Variants in RANBP2 observed in about 807,000 individuals in gnomAD.
RANBP2 encodes the protein E3 SUMO-protein ligase RanBP2.
A neutral mutation model predicts 303.6 loss-of-function variants in RANBP2; 57 were observed. That is an observed-to-expected ratio of 0.19 (90% CI 0.15 to 0.23). RANBP2 has a LOEUF of 0.23. Ranked by LOEUF, RANBP2 falls within the 10% of genes least tolerant of loss-of-function variation. The pLI is 1.00. For synonymous variants in RANBP2, 1,167 were observed against 1,301.5 expected, an observed-to-expected ratio of 0.90 and a Z score of 2.23; for missense variants, 3,138 against 3,780.8, an observed-to-expected ratio of 0.83 and a Z score of 4.46.
chr2:109,621,087 C>G, the RANBP2 span, among the ~76,000 whole-genome samples: 5 of 152,208 alleles, frequency 3.3e-5, no homozygotes, highest in Non-Finnish European at 7.3e-5. Context: ...AGCAGCCTAA[C>G]TTAGGATAAA....
chr2:109,165,108 C>G, the RANBP2 span, among the ~76,000 whole-genome samples: 5 of 152,184 alleles, frequency 3.3e-5, no homozygotes, highest in African/African-American at 1.2e-4. Flanking sequence ...GCTAGTTGTT[C>G]CTGGCTTCCC....
chr2:109,708,548 T>C, the RANBP2 span, among the ~76,000 whole-genome samples: 1 of 151,998 alleles, frequency 6.6e-6, no homozygotes, highest in African/African-American at 2.4e-5. Context: ...TTCCAGCTAC[T>C]TGGGAGGCTG....
the RANBP2 span, among the ~76,000 whole-genome samples, chr2:109,700,450 C>G: frequency 6.6e-6 from 1 of 152,002 alleles, no homozygotes; most frequent in Non-Finnish European, 1.5e-5. Flanking sequence ...CAACTGCAAG[C>G]GAAGGCAGGA....
the RANBP2 span, among the ~76,000 whole-genome samples, chr2:109,644,414 C>A: frequency 6.6e-6 from 1 of 152,122 alleles, no homozygotes; most frequent in East Asian, 1.9e-4. Context: ...AGGCAGCTGG[C>A]GAGGTGAATG....
At chr2:109,259,998 G>T in the RANBP2 span, among the ~76,000 whole-genome samples, 6 of 152,230 alleles carry the variant, frequency 3.9e-5, no homozygotes, top group African/African-American at 1.4e-4. Flanking sequence ...TTTCTTCTCC[G>T]GCCAGAGATA....
At chr2:109,399,267 T>C in the RANBP2 span, among the ~76,000 whole-genome samples, 1 of 152,202 alleles carries the variant, frequency 6.6e-6, no homozygotes, top group African/African-American at 2.4e-5. Context: ...TGTCTGATTA[T>C]GTCCTGGAAG....
At chr2:109,561,557 CTA>C in the RANBP2 span, among the ~76,000 whole-genome samples, 1 of 152,222 alleles carries the variant, frequency 6.6e-6, no homozygotes, top group Non-Finnish European at 1.5e-5. Flanking sequence ...TCCCAAATTA[CTA>C]TGGCAGCCCT....
chr2:108,774,519 T>G (rs1677737061), intron 23 of RANBP2, among the ~76,000 whole-genome samples: 1 of 152,126 alleles, frequency 6.6e-6, no homozygotes, highest in African/African-American at 2.4e-5. Context: ...TGAGAAGTAT[T>G]TTCTGTATTG....
At chr2:109,290,533 C>T in the RANBP2 span, among the ~76,000 whole-genome samples, 2 of 152,254 alleles carry the variant, frequency 1.3e-5, no homozygotes, top group African/African-American at 2.4e-5. Context: ...TTATGCCTAG[C>T]TAGGCTATGT....
the RANBP2 span, chr2:108,839,171 C>G: frequency 6.3e-7 from 1 of 1,589,206 alleles, no homozygotes. Flanking sequence ...TATTTTCCAT[C>G]ATTTTATCTT....
chr2:109,082,877 G>A, the RANBP2 span, among the ~76,000 whole-genome samples: 1 of 148,716 alleles, frequency 6.7e-6, no homozygotes, highest in African/African-American at 2.5e-5. Context: ...CCAGGCTGGA[G>A]TGCAGTGGCG....
chr2:109,214,425 A>G, the RANBP2 span, among the ~76,000 whole-genome samples: 12 of 151,696 alleles, frequency 7.9e-5, no homozygotes, highest in African/African-American at 2.2e-4. Context: ...CACTGTGTAC[A>G]TGTACCCTAG....
the RANBP2 span, among the ~76,000 whole-genome samples, chr2:109,370,190 GGTCTCTGTCTCT>G: frequency 8.5e-4 from 125 of 147,330 alleles, no homozygotes; most frequent in South Asian, 3.1e-3. Context: ...TTGCTGTGGT[GGTCTCTGTCTCT>G]GTCTCTGTCT....
the RANBP2 span, among the ~76,000 whole-genome samples, chr2:109,059,529 T>C: frequency 6.7e-6 from 1 of 149,780 alleles, no homozygotes; most frequent in East Asian, 2.0e-4. Flanking sequence ...TGAGCTGAGA[T>C]CACACCACTG....
chr2:108,909,620 G>A, the RANBP2 span, among the ~76,000 whole-genome samples: 3 of 152,234 alleles, frequency 2.0e-5, no homozygotes, highest in Admixed American at 6.5e-5. Flanking sequence ...GGCCTGGCAG[G>A]GGGGTCCGAG....
the RANBP2 span, among the ~76,000 whole-genome samples, chr2:109,210,189 G>A: frequency 9.8e-5 from 15 of 152,292 alleles, no homozygotes; most frequent in Middle Eastern, 3.4e-3. Context: ...ACCACATTTT[G>A]TGTATTCATT....
chr2:109,560,060 A>G, the RANBP2 span, among the ~76,000 whole-genome samples: 1 of 152,020 alleles, frequency 6.6e-6, no homozygotes, highest in Non-Finnish European at 1.5e-5. Flanking sequence ...AGCCGGGACT[A>G]CAGGTGCCCG....
chr2:109,229,797 T>G, the RANBP2 span, among the ~76,000 whole-genome samples: 1 of 151,490 alleles, frequency 6.6e-6, no homozygotes, highest in Non-Finnish European at 1.5e-5. Context: ...TTGGTATGTG[T>G]TTAGATTTTT....
At chr2:109,342,622 C>T in the RANBP2 span, among the ~76,000 whole-genome samples, 21 of 152,300 alleles carry the variant, frequency 1.4e-4, no homozygotes, top group Non-Finnish European at 2.5e-4. Flanking sequence ...TGTGCCCTCC[C>T]GACGCTGCAG....
Sources: gnomAD v4.1 joint callset for allele counts (sites outside exome capture counted in the v4.1 genomes callset) on GRCh38, gnomAD v4.1.1 for gene constraint, MANE v1.5 for transcripts, NCBI Gene and HGNC (gene_info 2026-07-23, HGNC 2026-07-21) for gene names.